STRC: variants seen among roughly 807,000 people sequenced by gnomAD.
STRC encodes stereocilin.
A neutral mutation model predicts 103.5 loss-of-function variants in STRC; 43 were observed. The ratio of observed to expected loss-of-function variants is 0.42; its 90% CI spans 0.33 to 0.54. The LOEUF is 0.54. STRC is among the 20% of genes least tolerant of loss of function. The pLI is 0.14. For synonymous variants in STRC, 186 were observed against 442.3 expected (o/e 0.42, Z 7.27); for missense variants, 499 against 1,088.5 (o/e 0.46, Z 7.62).
intron 26 of STRC, 33 bp downstream of exon 26, chr15:43,600,501 C>A (rs2085656436): frequency 6.2e-7 from 1 of 1,610,196 alleles, no homozygotes; most frequent in Non-Finnish European, 8.5e-7. Flanking sequence ...AGAAACCAAA[C>A]CAACTTGCAC....
intron 18 of STRC, among the ~76,000 whole-genome samples, chr15:43,606,724 T>C (rs1464092031): frequency 8.0e-6 from 1 of 124,322 alleles, no homozygotes; most frequent in Non-Finnish European, 1.7e-5. Context: ...AGAGCTGAAA[T>C]CTGTGGAAAG....
Position 43,600,163 on chromosome 15 carries a change from C to T in STRC, c.5091+33G>A, listed in dbSNP as rs375561385. The stretch of plus-strand genomic sequence containing the variant: ...ATGTAGTCCCCATTGGGCCCTGGCT[C>T]TCCTGTGGTCACCCCAGTCCATTAA... On this transcript the variant is annotated intron_variant, in intron 27 of 28. Transcript: ENST00000450892. The T allele has an allele frequency of 2.7e-3, 4,197 of 1,551,818 alleles. 39 individuals carry two copies. Among genetic ancestry groups the T allele is most frequent in the Non-Finnish European group, 3.4e-3 (3,854 of 1,134,392 alleles).
Position 43,604,746 on chromosome 15 carries a change from A to T in STRC, c.4031T>A (p.Ile1344Asn), listed in dbSNP as rs1199856521. 1 of 1,613,498 alleles carries T rather than the reference A, an allele frequency of 6.2e-7. No individual in the cohort carries two copies. The highest frequency in any genetic ancestry group is 8.5e-7 in the Non-Finnish European group (1 of 1,179,714). Residue 1344 changes from isoleucine (I) to asparagine (N), a missense_variant, in exon 20 of 29, where the codon ATC becomes AAC. By Grantham distance (149) the Ile-to-Asn change is moderately radical (BLOSUM62 -3). Coordinates refer to ENST00000450892, the MANE Select transcript of STRC (RefSeq NM_153700.2). Reference protein sequence around the residue: ...TESTRQIPLQILLSHLSQLQG... With the variant: ...TESTRQIPLQNLLSHLSQLQG... ...CAGCTGACTGAGATGGGACAGCAGG[A>T]TCTGTAGGGGGATCTGTCGTGTGCT...
Position 43,603,391 on chromosome 15 carries a change from C to G in STRC, c.4396G>C (p.Asp1466His), listed in dbSNP as rs774158587. The G allele has an allele frequency of 5.0e-6, 8 of 1,613,560 alleles. 1 individual carries two copies. In the South Asian group the frequency reaches 7.7e-5, roughly 16 times the overall value. Reference sequence around the variant, plus strand: ...GCTGCTGGGAATGTCCCTCGTACATCTGCACAATTTGGCACAGGTTCTGAA... The same window carrying G: ...GCTGCTGGGAATGTCCCTCGTACATGTGCACAATTTGGCACAGGTTCTGAA... ...DLPEPVPNCA[D>H]VRGTFPAAWS... is the part of the protein sequence containing the mutation. Residue 1466 changes from aspartate to histidine, a missense_variant, in exon 23 of 29, where the codon GAT becomes CAT. By Grantham distance (81) the Asp-to-His change is moderately conservative (BLOSUM62 -1). Coordinates refer to ENST00000450892, the MANE Select transcript of STRC (RefSeq NM_153700.2).
Position 43,600,628 on chromosome 15 carries a change from C to A in STRC, c.4899G>T (p.Leu1633=). The change falls in exon 26 of 29, where the codon CTG becomes CTT. Residue 1633 remains leucine, a synonymous_variant. Coordinates refer to ENST00000450892, the MANE Select transcript of STRC (RefSeq NM_153700.2). The stretch of plus-strand genomic sequence containing the variant: ...GTACAAGTAGGTGGGCCAGAACCTC[C>A]AGTTGTTCCTCAGAGCACTGGAGAT... ...TLHLQCSEEQ[L]EVLAHLLVLP... 1 of 1,613,796 alleles carries A rather than the reference C, an allele frequency of 6.2e-7. No individual in the cohort carries two copies. Among genetic ancestry groups the A allele is most frequent in the Non-Finnish European group, 8.5e-7 (1 of 1,179,890 alleles).
rs748432576 is a variant in STRC, at chr15:43,601,505, A to G, written c.4592T>C (p.Leu1531Pro). The G allele has an allele frequency of 1.2e-6, 2 of 1,613,852 alleles. No individual in the cohort carries two copies. Among genetic ancestry groups the G allele is most frequent in the Non-Finnish European group, 8.5e-7 (1 of 1,179,870 alleles). Residue 1531 changes from leucine (L) to proline (P), a missense_variant, in exon 24 of 29, where the codon CTT becomes CCT. By Grantham distance (98) the Leu-to-Pro change is moderately conservative. Transcript: ENST00000450892. ...TCCTAGACCTATTAAGAGCCTACCA[A>G]GCTGCAGGATCTGCTCAGGACGAAA... The part of the protein sequence containing the change: ...RGFRPEQILQ[L>P]GRLLIGLGDR...
chr15:43,605,242 G>A (rs1165298611), intron 19 of STRC, 22 bp downstream of exon 19: 2 of 1,576,986 alleles, frequency 1.3e-6, no homozygotes, highest in East Asian at 2.3e-5. Flanking sequence ...GCAAATCTGA[G>A]TCTGGTAGGG....
chr15:43,605,215 A>G, intron 19 of STRC, 49 bp downstream of exon 19: 3 of 1,575,472 alleles, frequency 1.9e-6, no homozygotes, highest in Non-Finnish European at 2.6e-6. Context: ...TCTGAGGAGC[A>G]AGAATTGCCC....
At chr15:43,601,139 C>A in intron 24 of STRC, 125 bp from the exon 25 acceptor site, 1 of 864,414 alleles carries the variant, frequency 1.2e-6, no homozygotes, top group Non-Finnish European at 1.8e-6. Flanking sequence ...ATGGGGAAGG[C>A]TGAGGACTCA....
In STRC at chr15:43,603,299, T is replaced by C; in HGVS notation, c.4488A>G (p.Ala1496=). Residue 1496 remains alanine, a synonymous_variant, in exon 23 of 29, where the codon GCA becomes GCG. Coordinates refer to ENST00000450892, the MANE Select transcript of STRC (RefSeq NM_153700.2). ...CCTCAGGCCCAAGTCCTGGGTCTCC[T>C]GCAAATAATGTCAGGCAGTCCTCAA... ...SDFEDCLTLF[A]GDPGLGPEEL... The C allele has an allele frequency of 6.2e-7, 1 of 1,613,868 alleles. No homozygotes were observed. Among genetic ancestry groups the C allele is most frequent in the Non-Finnish European group, 8.5e-7 (1 of 1,179,882 alleles).
intron 23 of STRC, among the ~76,000 whole-genome samples, chr15:43,601,898 T>A (rs992441865): frequency 6.6e-6 from 1 of 151,502 alleles, no homozygotes; most frequent in African/African-American, 2.4e-5. Flanking sequence ...GGTGGGAGGA[T>A]TGCTTGAGCC....
Position 43,600,782 on chromosome 15 carries a change from C to T in STRC, c.4844+90G>A, listed in dbSNP as rs2085659767. On this transcript the variant is annotated intron_variant, in intron 25 of 28. Coordinates refer to ENST00000450892, the MANE Select transcript of STRC (RefSeq NM_153700.2). ...AGATGGCTTCAAATGAGTTCCCTTC[C>T]TCCATGGGACCAGACCTTCATGATC... The T allele has an allele frequency of 3.1e-6, 5 of 1,613,074 alleles. No individual in the cohort carries two copies. The East Asian group carries it at 1.1e-4, about 36-fold the overall frequency.
rs765170913 is a variant in STRC at position 43,600,987 on chromosome 15, G to T, written c.4729C>A (p.Arg1577=). 6.6e-7 allele frequency: 1 copy of T among 1,504,222 alleles called. No individual in the cohort carries two copies. The highest frequency in any genetic ancestry group is 1.5e-5 in the African/African-American group (1 of 66,922). The allele number at this position is 1,504,222 out of a possible 1,614,324, so 93.2% of individuals were successfully genotyped here. A position where few individuals can be genotyped will look rare whatever the true frequency, so the allele number is the denominator to read the frequency against. ...TGGCTCACATGCCGACCACTCTGCC[G>T]TAGGAAACTGGAGACCACAATGCGG... ...QLRIVVSSFL[R]QSGRHVSHLD... Residue 1577 remains arginine (R), a synonymous_variant, in exon 25 of 29, where the codon CGG becomes AGG. Transcript: ENST00000450892.
chr15:43,603,115 C>A, intron 23 of STRC, 127 bp downstream of exon 23: 1 of 1,042,326 alleles, frequency 9.6e-7, no homozygotes, highest in Non-Finnish European at 1.5e-6. Context: ...ACTTGTGACC[C>A]AAATCTTCTA....
intron 21 of STRC, 54 bp from the exon 22 acceptor site, chr15:43,604,206 T>C: frequency 1.2e-6 from 2 of 1,606,514 alleles, no homozygotes; most frequent in Non-Finnish European, 1.7e-6. Context: ...CAGGACCTGC[T>C]GCTATAGCTC....
At chr15:43,605,426 G>A in intron 18 of STRC, 27 bp from the exon 19 acceptor site, 1 of 1,585,372 alleles carries the variant, frequency 6.3e-7, no homozygotes, top group Middle Eastern at 1.7e-4. Context: ...ACAACAACAG[G>A]ATTCAGGTGG....
rs1470123607 is a variant in STRC, at chr15:43,606,508, G to A, written c.3795-1109C>T. Among the ~76,000 whole-genome samples the A allele has an allele frequency of 4.0e-5, 6 of 150,036 alleles. No individual in the cohort carries two copies. The East Asian group carries it at 9.8e-4, about 25-fold the overall frequency. On this transcript the variant is annotated intron_variant, in intron 18 of 28. Transcript: ENST00000450892. ...CCAGCTACTCAGCAGGCTGAGGCAG[G>A]AGAATTGCTTGAACCCCAGAGGGAG...
At position 43,603,384 on chromosome 15, in the gene STRC, C is replaced by T. The variant is rs867666766; in HGVS notation, c.4403G>A (p.Arg1468Gln). The change falls in exon 23 of 29, where the codon CGA (arginine) becomes CAA (glutamine). Residue 1468 changes from arginine (R) to glutamine (Q), a missense_variant. Arg to Gln is a conservative substitution (Grantham distance 43). Coordinates refer to ENST00000450892, the MANE Select transcript of STRC (RefSeq NM_153700.2). The stretch of plus-strand genomic sequence containing the variant: ...AGACCAGGCTGCTGGGAATGTCCCT[C>T]GTACATCTGCACAATTTGGCACAGG... ...PEPVPNCADV[R>Q]GTFPAAWSAT... The T allele has an allele frequency of 3.7e-6, 6 of 1,613,694 alleles. No individual in the cohort carries two copies. The highest frequency in any genetic ancestry group is 5.1e-6 in the Non-Finnish European group (6 of 1,179,886).
In STRC at chr15:43,604,032, C is replaced by T. The variant is rs140238012; in HGVS notation, c.4339G>A (p.Ala1447Thr). The change falls in exon 22 of 29, where the codon GCA (alanine) becomes ACA (threonine). Residue 1447 changes from alanine (A) to threonine (T), a missense_variant. Physicochemically the swap from Ala to Thr is moderately conservative, Grantham distance 58. Coordinates refer to ENST00000450892, the MANE Select transcript of STRC (RefSeq NM_153700.2). Reference sequence around the variant, plus strand: ...TCAGCAGCTGGTCGCACCACCCCTGCTACCAGGGCTGCTTTCTTGGCAGCA... The same window carrying T: ...TCAGCAGCTGGTCGCACCACCCCTGTTACCAGGGCTGCTTTCTTGGCAGCA... ...QLAAKKAALV[A>T]GVVRPAAEDL... 285 of 1,613,216 alleles carry T rather than the reference C, an allele frequency of 1.8e-4. 1 individual carries two copies. Among genetic ancestry groups the T allele is most frequent in the Non-Finnish European group, 2.3e-4 (274 of 1,179,654 alleles).
Sources: gnomAD v4.1 joint callset for allele counts (sites outside exome capture counted in the v4.1 genomes callset) on GRCh38, gnomAD v4.1.1 for gene constraint, MANE v1.5 for transcripts, NCBI Gene and HGNC (gene_info 2026-07-23, HGNC 2026-07-21) for gene names.